Variants in MBNL2 observed in about 807,000 individuals in gnomAD.
The protein encoded by MBNL2 is muscleblind like splicing regulator 2.
Under a neutral mutation model 41.9 loss-of-function variants are expected in MBNL2, and 17 were observed. The observed-to-expected ratio is 0.41, with a 90% confidence interval of 0.28 to 0.61. The LOEUF (loss-of-function observed/expected upper bound fraction) is 0.61. Among genes scored for constraint, MBNL2 ranks in the 20% least tolerant of loss-of-function variants. The pLI, the probability that MBNL2 is intolerant of heterozygous loss-of-function variation, is 0.35. For missense variants in MBNL2, 336 were observed against 505.6 expected, an observed-to-expected ratio of 0.66 and a Z score of 3.22; for synonymous variants, 195 against 182.9, an observed-to-expected ratio of 1.07 and a Z score of -0.53.
rs2063830323 is a variant in MBNL2, at chr13:97,366,216, T to C, written c.1048+1045T>C. On this transcript the variant is annotated intron_variant, in intron 8 of 8. Transcript: ENST00000679496. This position sits in a 1 kb window ranked among gnomAD's most constrained non-coding sequence, Gnocchi z 4.7. ...AAATACATCAACCAAAGTAATCTGC[T>C]TTGGCCTTTCTGGGAATCACTGATT... Among the ~76,000 whole-genome samples, 1 of 152,192 alleles carries C rather than the reference T, an allele frequency of 6.6e-6. No homozygotes were observed. The highest frequency in any genetic ancestry group is 1.5e-5 in the Non-Finnish European group (1 of 68,030).
chr13:97,226,067 C>T (rs923387883), intron 1 of MBNL2, among the ~76,000 whole-genome samples: 1 of 151,838 alleles, frequency 6.6e-6, no homozygotes, highest in Non-Finnish European at 1.5e-5. Context: ...TTGTTGCAGC[C>T]GTGATAATAT....
chr13:97,165,601 A>G, the MBNL2 span, among the ~76,000 whole-genome samples: 5 of 152,356 alleles, frequency 3.3e-5, no homozygotes, highest in East Asian at 9.6e-4. Context: ...AAAAAATTAA[A>G]ATGTTTTAAT....
the MBNL2 span, among the ~76,000 whole-genome samples, chr13:97,166,849 T>C: frequency 7.2e-6 from 1 of 139,770 alleles, no homozygotes. Flanking sequence ...GAAAGATAGA[T>C]AGAGATATAT....
At chr13:97,289,708 G>C (rs2055425398) in intron 2 of MBNL2, among the ~76,000 whole-genome samples, 1 of 152,208 alleles carries the variant, frequency 6.6e-6, no homozygotes, top group Non-Finnish European at 1.5e-5. Flanking sequence ...CGAGGACCTT[G>C]CTTTCGTGGA....
chr13:97,230,799 AG>A (rs2042274864), intron 1 of MBNL2, among the ~76,000 whole-genome samples: 1 of 152,192 alleles, frequency 6.6e-6, no homozygotes, highest in South Asian at 2.1e-4. Context: ...CTCTCTGGCA[AG>A]GGTTTCTGGC....
chr13:97,210,441 C>G, the MBNL2 span, among the ~76,000 whole-genome samples: 1 of 151,840 alleles, frequency 6.6e-6, no homozygotes, highest in African/African-American at 2.4e-5. Context: ...AAACGGAGAG[C>G]CTGATTTTAC....
At chr13:97,355,429 C>T (rs1322694528) in intron 5 of MBNL2, among the ~76,000 whole-genome samples, 1 of 152,064 alleles carries the variant, frequency 6.6e-6, no homozygotes, top group Non-Finnish European at 1.5e-5. Context: ...AGTACTGTCT[C>T]ATGTCAAATG....
At chr13:97,147,413 T>C in the MBNL2 span, among the ~76,000 whole-genome samples, 1 of 152,208 alleles carries the variant, frequency 6.6e-6, no homozygotes, top group African/African-American at 2.4e-5. Flanking sequence ...TAACTTTGGC[T>C]GAGTGTAAAG....
intron 8 of MBNL2, among the ~76,000 whole-genome samples, chr13:97,388,239 C>A (rs1183848831): frequency 1.3e-5 from 2 of 151,514 alleles, no homozygotes; most frequent in Admixed American, 1.3e-4. Flanking sequence ...TATTCAGGCA[C>A]CCCATGAAGG....
the MBNL2 span, among the ~76,000 whole-genome samples, chr13:97,203,988 A>G: frequency 2.0e-5 from 3 of 152,190 alleles, no homozygotes; most frequent in African/African-American, 7.2e-5. Context: ...ATGAATGGAC[A>G]AGGTAAATAA....
chr13:97,275,344 C>T (rs866961106), intron 1 of MBNL2, among the ~76,000 whole-genome samples: 5 of 152,128 alleles, frequency 3.3e-5, no homozygotes, highest in South Asian at 2.1e-4. Flanking sequence ...ACTGTTTTGG[C>T]GATTAAGCAC....
At chr13:97,301,350 G>A (rs896147913) in intron 2 of MBNL2, among the ~76,000 whole-genome samples, 3 of 152,144 alleles carry the variant, frequency 2.0e-5, no homozygotes, top group Non-Finnish European at 2.9e-5. Context: ...TAATGCCTCA[G>A]GATCCCCAGA....
chr13:97,314,388 C>T (rs2058859402), intron 2 of MBNL2, among the ~76,000 whole-genome samples: 1 of 152,196 alleles, frequency 6.6e-6, no homozygotes, highest in South Asian at 2.1e-4. Flanking sequence ...CTCTCTAGCA[C>T]TTATCACCAT....
At chr13:97,290,594 T>A (rs2055687808) in intron 2 of MBNL2, among the ~76,000 whole-genome samples, 1 of 149,830 alleles carries the variant, frequency 6.7e-6, no homozygotes, top group African/African-American at 2.5e-5. Flanking sequence ...GAGAACGGCG[T>A]GAACCCGGGA....
At chr13:97,254,090 A>G (rs1005394411) in intron 1 of MBNL2, among the ~76,000 whole-genome samples, 5 of 152,264 alleles carry the variant, frequency 3.3e-5, no homozygotes, top group East Asian at 3.9e-4. Flanking sequence ...GGGTTTCGCC[A>G]TGGTGGCCAG....
intron 1 of MBNL2, among the ~76,000 whole-genome samples, chr13:97,266,209 T>C (rs1429447230): frequency 4.6e-5 from 7 of 152,108 alleles, no homozygotes; most frequent in East Asian, 1.9e-4. Context: ...GCCACTGCAC[T>C]CCAGCCTAGG....
intron 7 of MBNL2, chr13:97,357,844 T>G (rs1473539306): frequency 9.8e-6 from 6 of 613,996 alleles, no homozygotes; most frequent in Non-Finnish European, 1.8e-5. Context: ...TTTGATAGAT[T>G]GAAGAGACAG....
At chr13:97,195,305 A>G in the MBNL2 span, among the ~76,000 whole-genome samples, 1 of 152,068 alleles carries the variant, frequency 6.6e-6, no homozygotes, top group African/African-American at 2.4e-5. Context: ...CAAGGGTGCC[A>G]ACTCATACCT....
chr13:97,367,636 G>A (rs1191879332), intron 8 of MBNL2, among the ~76,000 whole-genome samples: 5 of 152,086 alleles, frequency 3.3e-5, no homozygotes, highest in East Asian at 3.9e-4. Flanking sequence ...AAAGAGAGGC[G>A]TGAGTGGACA....
Sources: allele counts gnomAD v4.1 joint callset (sites outside exome capture counted in the v4.1 genomes callset), GRCh38; gene constraint gnomAD v4.1.1; non-coding constraint Gnocchi (gnomAD v3.1); transcripts MANE v1.5; gene names NCBI Gene and HGNC (gene_info 2026-07-23, HGNC 2026-07-21).